Variants in OR4S2 observed in about 807,000 individuals in gnomAD.
The protein encoded by OR4S2 is olfactory receptor 4S2.
OR4S2 carries 16 observed loss-of-function variants against 15.1 expected under a neutral mutation model. The ratio of observed to expected loss-of-function variants is 1.06; its 90% CI spans 0.72 to 1.61. The LOEUF (loss-of-function observed/expected upper bound fraction) is 1.61, where lower values mean the gene tolerates loss of function less well. Among genes scored for constraint, OR4S2 ranks in the 40% most tolerant of loss-of-function variants. The pLI is 0.00. For missense variants in OR4S2, 362 were observed against 379.6 expected (o/e 0.95, Z 0.38); for synonymous variants, 133 against 136.3 (o/e 0.98, Z 0.17).
At chr11:55,650,843 C>T (rs1858554148) in intron 1 of OR4S2, 25 bp from the exon 2 acceptor site, 1 of 793,390 alleles carries the variant, frequency 1.3e-6, no homozygotes, top group Non-Finnish European at 2.0e-6. Flanking sequence ...TAAATACAGT[C>T]CTTTTTATGT....
rs2120200948 is a variant in OR4S2, at chr11:55,650,914, T to C, written c.11T>C (p.Ile4Thr). The C allele has an allele frequency of 1.4e-6, 2 of 1,384,718 alleles. 1 individual carries two copies. The highest frequency in any genetic ancestry group is 2.5e-5 in the South Asian group (2 of 79,974). The allele number at this position is 1,384,718 out of a possible 1,614,324, so 85.8% of individuals were successfully genotyped here. The change falls in exon 2 of 2, where the codon ATA (isoleucine) becomes ACA (threonine). Residue 4 changes from isoleucine (I) to threonine (T), a missense_variant. Ile to Thr is a moderately conservative substitution (Grantham distance 89). Coordinates refer to ENST00000641692, the MANE Select transcript of OR4S2 (RefSeq NM_001004059.3). ...AACTTGACCCATTCCATGGAAAAAA[T>C]AAACAACGTAACTGAATTCATTTTC... MEKINNVTEFIFWG... is the reference protein window; with the variant it reads MEKTNNVTEFIFWG...
chr11:55,652,591 G>A lies in OR4S2; in HGVS notation c.*752G>A, dbSNP rs1479352904. The A allele has an allele frequency of 1.4e-5, 2 of 139,084 alleles. No individual in the cohort carries two copies. The highest frequency in any genetic ancestry group is 3.2e-5 in the Non-Finnish European group (2 of 62,486). 8.6% of individuals were successfully genotyped at this position (139,084 alleles called of 1,614,324 possible). On this transcript the variant is annotated 3_prime_UTR_variant, in exon 2 of 2. Coordinates refer to ENST00000641692, the MANE Select transcript of OR4S2 (RefSeq NM_001004059.3). ...TTCTTACCTGTCTGTGTAGAAAATGGCCTGTGGAAATAAAATAATTTTCAT... is the reference window on the plus strand; with the variant it reads ...TTCTTACCTGTCTGTGTAGAAAATGACCTGTGGAAATAAAATAATTTTCAT...
In OR4S2 at chr11:55,651,932, T is replaced by C; in HGVS notation, c.*93T>C. 1.7e-6 allele frequency: 1 copy of C among 597,262 alleles called. No homozygotes were observed. The highest frequency in any genetic ancestry group is 2.9e-6 in the Non-Finnish European group (1 of 349,312). The allele number at this position is 597,262 out of a possible 1,614,324, so 37.0% of individuals were successfully genotyped here. On this transcript the variant is annotated 3_prime_UTR_variant, in exon 2 of 2. Coordinates refer to ENST00000641692, the MANE Select transcript of OR4S2 (RefSeq NM_001004059.3). ...CAAGACAATAACAACCTCATGGGAT[T>C]TGGAGTGGAAAAATGAGACAATAAC... is the stretch of plus-strand genomic sequence containing the variant.
rs1199318238 is a variant in OR4S2, at chr11:55,648,478, T to G, written c.-109T>G. On this transcript the variant is annotated 5_prime_UTR_variant, in exon 1 of 2. Transcript: ENST00000641692. ...CCCTAGGCATCACTGTTACTTTACC[T>G]TGGGAAGCTGCACCCAAATTAACTC... is the stretch of plus-strand genomic sequence containing the variant. 1.5e-5 allele frequency: 2 copies of G among 137,418 alleles called. 1 individual carries two copies. The highest frequency in any genetic ancestry group is 4.9e-4 in the East Asian group (2 of 4,114). 8.5% of individuals were successfully genotyped at this position (137,418 alleles called of 1,614,324 possible).
Position 55,651,805 on chromosome 11 carries a change from G to C in OR4S2, c.902G>C (p.Gly301Ala). ...AAGAATGCAATGAAGAAACTGTGGG[G>C]CAGAAATGTTTTCTTGGAGGCTAAA... is the stretch of plus-strand genomic sequence containing the variant. ...EVKNAMKKLW[G>A]RNVFLEAKGK The change falls in exon 2 of 2, where the codon GGC becomes GCC. Residue 301 changes from glycine (G) to alanine (A), a missense_variant. Physicochemically the swap from Gly to Ala is moderately conservative, Grantham distance 60 (BLOSUM62 0). Transcript: ENST00000641692. The C allele has an allele frequency of 6.9e-6, 10 of 1,447,712 alleles. 2 individuals carry two copies. The highest frequency in any genetic ancestry group is 9.4e-6 in the Non-Finnish European group (10 of 1,061,142). The allele number at this position is 1,447,712 out of a possible 1,614,324, so 89.7% of individuals were successfully genotyped here.
At position 55,652,826 on chromosome 11, in the gene OR4S2, A is replaced by G. The variant is rs1858585537; in HGVS notation, c.*987A>G. On this transcript the variant is annotated 3_prime_UTR_variant, in exon 2 of 2. Transcript: ENST00000641692. ...GTGTGAAAATCTTTCACCAGCTGGT[A>G]TTTCCTGTTTGCTTTTTTGTCATTG... The G allele has an allele frequency of 7.2e-6, 1 of 138,654 alleles. No individual in the cohort carries two copies. The highest frequency in any genetic ancestry group is 2.3e-4 in the South Asian group (1 of 4,292). The allele number at this position is 138,654 out of a possible 1,614,324, so 8.6% of individuals were successfully genotyped here. A position where few individuals can be genotyped will look rare whatever the true frequency, so the allele number is the denominator to read the frequency against.
In OR4S2 at chr11:55,648,407, T is replaced by C. The variant is rs551135530; in HGVS notation, c.-180T>C. On this transcript the variant is annotated 5_prime_UTR_variant, in exon 1 of 2. Transcript: ENST00000641692. ...GACTCATTTCTACCAGCCTTTCAGT[T>C]TGGGGGGTCAGGTATTTTCCGGTAC... 7.3e-6 allele frequency: 1 copy of C among 137,184 alleles called. No homozygotes were observed. The highest frequency in any genetic ancestry group is 2.4e-4 in the East Asian group (1 of 4,106). The allele number at this position is 137,184 out of a possible 1,614,324, so 8.5% of individuals were successfully genotyped here.
At position 55,650,866 on chromosome 11, in the gene OR4S2, A is replaced by G. The variant is rs766481146; in HGVS notation, c.-36-2A>G. The G allele has an allele frequency of 6.5e-6, 6 of 920,750 alleles. 1 individual carries two copies. Among genetic ancestry groups the G allele is most frequent in the Non-Finnish European group, 9.8e-6 (6 of 612,968 alleles). The allele number at this position is 920,750 out of a possible 1,614,324, so 57.0% of individuals were successfully genotyped here. ...GTCCTTTTTATGTTTTCTTTTTTTC[A>G]GGTAATTTAATTGTCTCCTAAGAAC... On this transcript the variant is annotated splice_acceptor_variant, in intron 1 of 1. Coordinates refer to ENST00000641692, the MANE Select transcript of OR4S2 (RefSeq NM_001004059.3). LOFTEE classifies it low-confidence loss of function (5UTR_SPLICE).
chr11:55,651,903 C>T lies in OR4S2; in HGVS notation c.*64C>T, dbSNP rs1323112854. The T allele has an allele frequency of 5.4e-6, 4 of 741,750 alleles. 1 individual carries two copies. The highest frequency in any genetic ancestry group is 5.2e-5 in the African/African-American group (3 of 57,746). 45.9% of individuals were successfully genotyped at this position (741,750 alleles called of 1,614,324 possible). ...CTCAGCCTTGGTTAACTCATCTGTG[C>T]AATCAAGACAATAACAACCTCATGG... On this transcript the variant is annotated 3_prime_UTR_variant, in exon 2 of 2. Coordinates refer to ENST00000641692, the MANE Select transcript of OR4S2 (RefSeq NM_001004059.3).
chr11:55,651,907 C>A lies in OR4S2; in HGVS notation c.*68C>A. 2.7e-6 allele frequency: 2 copies of A among 734,916 alleles called. No homozygotes were observed. Among genetic ancestry groups the A allele is most frequent in the East Asian group, 2.9e-5 (1 of 34,428 alleles). 45.5% of individuals were successfully genotyped at this position (734,916 alleles called of 1,614,324 possible). A position where few individuals can be genotyped will look rare whatever the true frequency, so the allele number is the denominator to read the frequency against. ...GCCTTGGTTAACTCATCTGTGCAAT[C>A]AAGACAATAACAACCTCATGGGATT... On this transcript the variant is annotated 3_prime_UTR_variant, in exon 2 of 2. Coordinates refer to ENST00000641692, the MANE Select transcript of OR4S2 (RefSeq NM_001004059.3).
Position 55,651,444 on chromosome 11 carries a change from C to T in OR4S2, c.541C>T (p.Pro181Ser). Residue 181 changes from proline to serine, a missense_variant, in exon 2 of 2, where the codon CCT becomes TCT. Transcript: ENST00000641692. ...EIDHYFCDVH[P>S]VLKLACTETY... ...AGATCACTACTTTTGTGATGTTCAC[C>T]CTGTGTTGAAACTTGCCTGCACAGA... The T allele has an allele frequency of 4.7e-6, 7 of 1,490,342 alleles. No individual in the cohort carries two copies. Among genetic ancestry groups the T allele is most frequent in the African/African-American group, 1.4e-5 (1 of 72,788 alleles). The allele number at this position is 1,490,342 out of a possible 1,614,324, so 92.3% of individuals were successfully genotyped here.
At position 55,651,820 on chromosome 11, in the gene OR4S2, T is replaced by G; in HGVS notation, c.917T>G (p.Leu306Trp). Residue 306 changes from leucine (L) to tryptophan (W), a missense_variant, in exon 2 of 2, where the codon TTG becomes TGG. Transcript: ENST00000641692. ...AAACTGTGGGGCAGAAATGTTTTCT[T>G]GGAGGCTAAAGGGAAATAGTTGGAC... is the stretch of plus-strand genomic sequence containing the variant. ...MKKLWGRNVF[L>W]EAKGK 2.8e-6 allele frequency: 4 copies of G among 1,420,378 alleles called. No homozygotes were observed. In the South Asian group the frequency reaches 4.9e-5, roughly 17 times the overall value. 88.0% of individuals were successfully genotyped at this position (1,420,378 alleles called of 1,614,324 possible). A position where few individuals can be genotyped will look rare whatever the true frequency, so the allele number is the denominator to read the frequency against.
intron 1 of OR4S2, 126 bp from the exon 2 acceptor site, chr11:55,650,742 A>G: frequency 2.0e-6 from 1 of 500,922 alleles, no homozygotes; most frequent in Non-Finnish European, 3.5e-6. Flanking sequence ...AAATAGATGC[A>G]TTTCAATTTC....
At position 55,651,949 on chromosome 11, in the gene OR4S2, G is replaced by A; in HGVS notation, c.*110G>A. The A allele has an allele frequency of 3.7e-6, 2 of 534,028 alleles. No individual in the cohort carries two copies. Among genetic ancestry groups the A allele is most frequent in the South Asian group, 5.8e-5 (2 of 34,696 alleles). 33.1% of individuals were successfully genotyped at this position (534,028 alleles called of 1,614,324 possible). On this transcript the variant is annotated 3_prime_UTR_variant, in exon 2 of 2. Transcript: ENST00000641692. ...CATGGGATTTGGAGTGGAAAAATGA[G>A]ACAATAACACATTCAAAAGAGTAAG...
In OR4S2 at chr11:55,651,577, A is replaced by G; in HGVS notation, c.674A>G (p.Lys225Arg). The G allele has an allele frequency of 1.3e-6, 2 of 1,491,884 alleles. 1 individual carries two copies. The highest frequency in any genetic ancestry group is 2.4e-5 in the South Asian group (2 of 84,878). 92.4% of individuals were successfully genotyped at this position (1,491,884 alleles called of 1,614,324 possible). The change falls in exon 2 of 2, where the codon AAG becomes AGG. Residue 225 changes from lysine (K) to arginine (R), a missense_variant. Transcript: ENST00000641692. ...SYSIILVSLR[K>R]QSAEGRRKAL... ...AGCATCATCCTAGTTTCCCTGAGAA[A>G]GCAGTCAGCAGAAGGCAGGCGCAAA...
rs139625934 is a variant in OR4S2 at position 55,651,513 on chromosome 11, A to T, written c.610A>T (p.Ile204Phe). 1.4e-4 allele frequency: 203 copies of T among 1,488,304 alleles called. 31 individuals are homozygous for T. The highest frequency in any genetic ancestry group is 1.4e-3 in the African/African-American group (99 of 72,722). 92.2% of individuals were successfully genotyped at this position (1,488,304 alleles called of 1,614,324 possible). ...GVVVTANSGT[I>F]ALGSFVILLI... ...TGTTGTGACAGCCAACAGTGGTACC[A>T]TTGCTCTGGGGAGTTTTGTTATCTT... Residue 204 changes from isoleucine (I) to phenylalanine (F), a missense_variant, in exon 2 of 2, where the codon ATT becomes TTT. By Grantham distance (21) the Ile-to-Phe change is conservative. Transcript: ENST00000641692.
rs570776917 is a variant in OR4S2, at chr11:55,651,136, A to G, written c.233A>G (p.Lys78Arg). 4.1e-6 allele frequency: 6 copies of G among 1,475,582 alleles called. No individual in the cohort carries two copies. In the African/African-American group the frequency reaches 6.9e-5, roughly 17 times the overall value. The allele number at this position is 1,475,582 out of a possible 1,614,324, so 91.4% of individuals were successfully genotyped here. A position where few individuals can be genotyped will look rare whatever the true frequency, so the allele number is the denominator to read the frequency against. ...DICYSSVTAP[K>R]MIVDLLAKDK... ...TGTTACTCTTCAGTCACAGCTCCCA[A>G]GATGATTGTTGACCTGTTAGCAAAG... is the stretch of plus-strand genomic sequence containing the variant. The change falls in exon 2 of 2, where the codon AAG (lysine) becomes AGG (arginine). Residue 78 changes from lysine (K) to arginine (R), a missense_variant. Lys to Arg is a conservative substitution (Grantham distance 26, BLOSUM62 2). Transcript: ENST00000641692.
In OR4S2 at chr11:55,651,936, A is replaced by G; in HGVS notation, c.*97A>G. 1 of 588,104 alleles carries G rather than the reference A, an allele frequency of 1.7e-6. No homozygotes were observed. The highest frequency in any genetic ancestry group is 2.6e-5 in the South Asian group (1 of 38,670). The allele number at this position is 588,104 out of a possible 1,614,324, so 36.4% of individuals were successfully genotyped here. On this transcript the variant is annotated 3_prime_UTR_variant, in exon 2 of 2. Coordinates refer to ENST00000641692, the MANE Select transcript of OR4S2 (RefSeq NM_001004059.3). The stretch of plus-strand genomic sequence containing the variant: ...ACAATAACAACCTCATGGGATTTGG[A>G]GTGGAAAAATGAGACAATAACACAT...
rs1261015531 is a variant in OR4S2 at position 55,652,656 on chromosome 11, C to G, written c.*817C>G. ...GTTTCACTCCTACATTCTGTAGAAT[C>G]GTATGCTACAAGCATTTAGCATCTC... On this transcript the variant is annotated 3_prime_UTR_variant, in exon 2 of 2. Transcript: ENST00000641692. 1 of 139,258 alleles carries G rather than the reference C, an allele frequency of 7.2e-6. No homozygotes were observed. Among genetic ancestry groups the G allele is most frequent in the Non-Finnish European group, 1.6e-5 (1 of 62,454 alleles). The allele number at this position is 139,258 out of a possible 1,614,324, so 8.6% of individuals were successfully genotyped here.
Sources: allele counts gnomAD v4.1 joint callset, GRCh38; gene constraint gnomAD v4.1.1; transcripts MANE v1.5; gene names NCBI Gene and HGNC (gene_info 2026-07-23, HGNC 2026-07-21).